PDS5A: variants seen among roughly 807,000 people sequenced by gnomAD.
PDS5A encodes PDS5 cohesin associated factor A, also known as sister chromatid cohesion protein PDS5 homolog A.
A neutral mutation model predicts 167.1 loss-of-function variants in PDS5A; 42 were observed. That is an observed-to-expected ratio of 0.25 (90% CI 0.20 to 0.33). PDS5A has a LOEUF of 0.33. PDS5A is among the 10% of genes least tolerant of loss of function. PDS5A has a pLI of 1.00. For synonymous variants in PDS5A, 553 were observed against 554.6 expected (o/e 1.00, Z 0.04); for missense variants, 1,033 against 1,605.9 (o/e 0.64, Z 6.10).
intron 2 of PDS5A, among the ~76,000 whole-genome samples, chr4:39,937,326 G>C (rs1475630960): frequency 6.8e-6 from 1 of 146,936 alleles, no homozygotes; most frequent in Non-Finnish European, 1.5e-5. Context: ...ACAAAGATCA[G>C]ATCGATTATT....
At chr4:39,843,747 T>A (rs900808408) in intron 30 of PDS5A, among the ~76,000 whole-genome samples, 1 of 132,884 alleles carries the variant, frequency 7.5e-6, no homozygotes, top group Non-Finnish European at 1.7e-5. Context: ...ATTGGTTGTA[T>A]TATTAACTCT....
chr4:39,858,259 C>T (rs1410775553), intron 26 of PDS5A, among the ~76,000 whole-genome samples: 1 of 152,066 alleles, frequency 6.6e-6, no homozygotes, highest in Non-Finnish European at 1.5e-5. Flanking sequence ...CAGGAAATAT[C>T]AAAAGCCAAA....
chr4:39,863,300 A>G (rs1002818870), intron 24 of PDS5A, 36 bp downstream of exon 24: 1 of 1,495,216 alleles, frequency 6.7e-7, no homozygotes. Context: ...TCAACTTTGA[A>G]GATAAGTAAT....
chr4:39,825,180 A>G lies in PDS5A; in HGVS notation c.*305T>C, dbSNP rs1553885111. Reference sequence around the variant, plus strand: ...TTACGCATTTAAACTCCAGATAGGCAGGAACTGGAACCAAGTGTTAAGCAA... The same window carrying G: ...TTACGCATTTAAACTCCAGATAGGCGGGAACTGGAACCAAGTGTTAAGCAA... On this transcript the variant is annotated 3_prime_UTR_variant, in exon 33 of 33. Transcript: ENST00000303538. 3 of 294,110 alleles carry G rather than the reference A, an allele frequency of 1.0e-5. No individual in the cohort carries two copies. The South Asian group carries it at 4.5e-4, about 44-fold the overall frequency. The allele number at this position is 294,110 out of a possible 1,614,324, so 18.2% of individuals were successfully genotyped here.
At position 39,904,191 on chromosome 4, in the gene PDS5A, A is replaced by C; in HGVS notation, c.1234T>G (p.Trp412Gly). 6.3e-7 allele frequency: 1 copy of C among 1,598,500 alleles called. No homozygotes were observed. The highest frequency in any genetic ancestry group is 8.5e-7 in the Non-Finnish European group (1 of 1,172,852). ...ATCATAGCTTCTTTTCTTACTCGCC[A>C]CTAAAAAGCATAAAATTTATTAGAT... ...FVRERTLDKR[W>G]RVRKEAMMGL... The change falls in exon 12 of 33, where the codon TGG becomes GGG. Residue 412 changes from tryptophan to glycine, a missense_variant and splice_region_variant. Trp to Gly is a radical substitution (Grantham distance 184). This residue lies in a region of PDS5A where 388 missense variants were observed against 615.1 expected (regional missense o/e 0.63). Transcript: ENST00000303538.
rs115316737 is a variant in PDS5A, at chr4:39,866,006, T to C, written c.2642+855A>G. Among the ~76,000 whole-genome samples the C allele has an allele frequency of 6.3e-3, 961 of 152,348 alleles. 9 individuals are homozygous for C. The highest frequency in any genetic ancestry group is 0.021 in the African/African-American group (890 of 41,572). On this transcript the variant is annotated intron_variant, in intron 23 of 32. Coordinates refer to ENST00000303538, the MANE Select transcript of PDS5A (RefSeq NM_001100399.2). ...TTTAGAGATTAAAAGTGAAAATGTG[T>C]AACAATGTAAACAATCTCTGTGTGC...
chr4:39,955,696 T>G (rs184105918), intron 2 of PDS5A, among the ~76,000 whole-genome samples: 6 of 151,880 alleles, frequency 4.0e-5, no homozygotes, highest in African/African-American at 1.4e-4. Context: ...GGAGGGGAAG[T>G]CTTCCTGGGG....
chr4:39,826,057 C>T (rs1300075879), intron 32 of PDS5A, among the ~76,000 whole-genome samples: 1 of 152,034 alleles, frequency 6.6e-6, no homozygotes, highest in East Asian at 1.9e-4. Context: ...TATTTGCTTA[C>T]AACATTAAAA....
At chr4:39,959,988 G>C (rs1370707411) in intron 2 of PDS5A, among the ~76,000 whole-genome samples, 1 of 152,152 alleles carries the variant, frequency 6.6e-6, no homozygotes, top group African/African-American at 2.4e-5. Flanking sequence ...ACCAACTTGG[G>C]AGGCTGAGGC....
At chr4:39,825,839 G>T (rs564404152) in intron 32 of PDS5A, among the ~76,000 whole-genome samples, 4 of 152,182 alleles carry the variant, frequency 2.6e-5, no homozygotes, top group Non-Finnish European at 4.4e-5. Context: ...GAGCTCAAGC[G>T]ATCTGGGAAG....
intron 31 of PDS5A, among the ~76,000 whole-genome samples, chr4:39,840,448 C>A (rs1716888099): frequency 6.6e-6 from 1 of 152,178 alleles, no homozygotes; most frequent in African/African-American, 2.4e-5. Flanking sequence ...CAGCCTGTAG[C>A]ACAGTGGCGT....
At chr4:39,956,011 G>A (rs1728890117) in intron 2 of PDS5A, among the ~76,000 whole-genome samples, 1 of 151,860 alleles carries the variant, frequency 6.6e-6, no homozygotes, top group Admixed American at 6.6e-5. Flanking sequence ...CCAGCTGCTC[G>A]GGAGGCTGAC....
chr4:39,869,253 C>T, intron 22 of PDS5A, 141 bp downstream of exon 22: 2 of 641,272 alleles, frequency 3.1e-6, no homozygotes, highest in Non-Finnish European at 2.8e-6. Flanking sequence ...GGAGGATCAG[C>T]TGAGCCCAGG....
chr4:39,934,960 C>T (rs1726453007), intron 2 of PDS5A, among the ~76,000 whole-genome samples: 3 of 151,928 alleles, frequency 2.0e-5, no homozygotes, highest in Admixed American at 1.3e-4. Context: ...ATATTTTCTC[C>T]CAGTCTGAGG....
intron 16 of PDS5A, chr4:39,898,177 C>T (rs1722586359): frequency 8.0e-7 from 1 of 1,249,572 alleles, no homozygotes; most frequent in Non-Finnish European, 1.0e-6. Flanking sequence ...AGACCAATCT[C>T]CCTGGCTTAG....
chr4:39,871,719 T>A (rs944260260), intron 21 of PDS5A, among the ~76,000 whole-genome samples: 4 of 152,236 alleles, frequency 2.6e-5, no homozygotes, highest in Admixed American at 1.3e-4. Flanking sequence ...TTATTTATTT[T>A]TTTGAGACAG....
chr4:39,926,152 T>G (rs1283415054), intron 4 of PDS5A, among the ~76,000 whole-genome samples: 1 of 152,064 alleles, frequency 6.6e-6, no homozygotes, highest in Non-Finnish European at 1.5e-5. Flanking sequence ...TCAATATTTT[T>G]AAGTTGGTAG....
intron 17 of PDS5A, among the ~76,000 whole-genome samples, chr4:39,885,413 A>AACAC (rs1422004126): frequency 7.9e-5 from 12 of 151,056 alleles, no homozygotes; most frequent in Admixed American, 7.9e-4. Context: ...CAGCCTGGGC[A>AACAC]ACACGGCAAA....
intron 22 of PDS5A, among the ~76,000 whole-genome samples, chr4:39,867,759 CACACACACACACACACCCCA>C (rs1719647543): frequency 6.7e-6 from 1 of 150,022 alleles, no homozygotes; most frequent in Non-Finnish European, 1.5e-5. Flanking sequence ...CACACACACA[CACACACACACACACACCCCA>C]CAACTGTACT....
Sources: allele counts gnomAD v4.1 joint callset (sites outside exome capture counted in the v4.1 genomes callset), GRCh38; gene constraint gnomAD v4.1.1; regional missense constraint gnomAD v4.1.1; transcripts MANE v1.5; gene names NCBI Gene and HGNC (gene_info 2026-07-23, HGNC 2026-07-21).